The following FHOD3 variants were observed in gnomAD, a reference collection of about 807,000 sequenced individuals.
The protein encoded by FHOD3 is FH1/FH2 domain-containing protein 3.
Under a neutral mutation model 173.0 loss-of-function variants are expected in FHOD3, and 90 were observed. The ratio of observed to expected loss-of-function variants is 0.52; its 90% CI spans 0.44 to 0.62. The LOEUF (loss-of-function observed/expected upper bound fraction) is 0.62, where lower values mean the gene tolerates loss of function less well. Ranked by LOEUF, FHOD3 falls within the 20% of genes least tolerant of loss-of-function variation. FHOD3 has a pLI of 0.00. For synonymous variants in FHOD3, 828 were observed against 823.0 expected, an observed-to-expected ratio of 1.01 and a Z score of -0.10; for missense variants, 1,945 against 2,034.7, an observed-to-expected ratio of 0.96 and a Z score of 0.85.
intron 6 of FHOD3, among the ~76,000 whole-genome samples, chr18:36,589,950 A>C (rs1169287284): frequency 6.6e-6 from 1 of 152,186 alleles, no homozygotes; most frequent in African/African-American, 2.4e-5. Flanking sequence ...ACGTGAAGGC[A>C]TGCCAGGCAA....
At chr18:36,692,315 T>C (rs1208064088) in intron 16 of FHOD3, among the ~76,000 whole-genome samples, 1 of 152,208 alleles carries the variant, frequency 6.6e-6, no homozygotes, top group Admixed American at 6.5e-5. Context: ...AAAGTGAGCG[T>C]CTTGAGTAAG....
intron 1 of FHOD3, among the ~76,000 whole-genome samples, chr18:36,343,788 T>G (rs1007322568): frequency 6.6e-6 from 1 of 152,196 alleles, no homozygotes; most frequent in Admixed American, 6.5e-5. Context: ...TGACCCAGTC[T>G]CATGTATTCC....
Position 36,573,142 on chromosome 18 carries a change from T to C in FHOD3, c.512-3309T>C, listed in dbSNP as rs556340241. Reference sequence around the variant, plus strand: ...TAACACCTCACATTATTCAGTCTTATTTTTGTTCTTTTTTTTTTTTTTAAC... The same window carrying C: ...TAACACCTCACATTATTCAGTCTTACTTTTGTTCTTTTTTTTTTTTTTAAC... On this transcript the variant is annotated intron_variant, in intron 5 of 28. Coordinates refer to ENST00000590592, the MANE Select transcript of FHOD3 (RefSeq NM_001281740.3). Among the ~76,000 whole-genome samples, 29 of 134,132 alleles carry C rather than the reference T, an allele frequency of 2.2e-4. No individual in the cohort carries two copies. The South Asian group carries it at 6.5e-3, about 30-fold the overall frequency. The allele number at this position is 134,132 out of a possible 152,430, so 88.0% of individuals were successfully genotyped here. A position where few individuals can be genotyped will look rare whatever the true frequency, so the allele number is the denominator to read the frequency against.
chr18:36,570,909 C>T (rs1461531143), intron 5 of FHOD3, among the ~76,000 whole-genome samples: 1 of 152,054 alleles, frequency 6.6e-6, no homozygotes, highest in Non-Finnish European at 1.5e-5. Context: ...TGTCTAACAT[C>T]ATAATTAATA....
chr18:36,515,830 C>T (rs1003075483), intron 5 of FHOD3, among the ~76,000 whole-genome samples: 10 of 152,300 alleles, frequency 6.6e-5, no homozygotes, highest in East Asian at 3.9e-4. Flanking sequence ...ATCTGAAAGA[C>T]GAGCACTCCA....
At chr18:36,488,971 T>G (rs1457321557) in intron 3 of FHOD3, among the ~76,000 whole-genome samples, 3 of 152,158 alleles carry the variant, frequency 2.0e-5, no homozygotes. Flanking sequence ...TTCTTTGAGC[T>G]GAGACTGGAG....
intron 14 of FHOD3, among the ~76,000 whole-genome samples, chr18:36,668,932 A>G (rs2149298417): frequency 6.6e-6 from 1 of 152,082 alleles, no homozygotes. Flanking sequence ...ATACTGTGTA[A>G]ACTTGAAAAG....
At chr18:36,618,366 T>G (rs1019590853) in intron 9 of FHOD3, among the ~76,000 whole-genome samples, 1 of 132,894 alleles carries the variant, frequency 7.5e-6, no homozygotes, top group East Asian at 2.2e-4. Flanking sequence ...CAGGCTGGAG[T>G]GCAAGGTGCG....
intron 3 of FHOD3, among the ~76,000 whole-genome samples, chr18:36,380,076 A>AC: frequency 6.6e-6 from 1 of 152,310 alleles, no homozygotes; most frequent in Admixed American, 6.5e-5. Context: ...CAGAAAAAAA[A>AC]CATATAGAAA....
In FHOD3 at chr18:36,539,077, T is replaced by G. The variant is rs143417752; in HGVS notation, c.511+26534T>G. ...AAGTAAAAAATCAGTACGCATCTTA[T>G]GTTGCTTAGCTTCTATAAGACCACT... On this transcript the variant is annotated intron_variant, in intron 5 of 28. Transcript: ENST00000590592. 4.6e-3 allele frequency among the ~76,000 whole-genome samples: 695 copies of G among 152,374 alleles called. 4 individuals are homozygous for G. Among genetic ancestry groups the G allele is most frequent in the African/African-American group, 0.016 (653 of 41,590 alleles).
intron 18 of FHOD3, among the ~76,000 whole-genome samples, chr18:36,713,815 A>G (rs947710310): frequency 1.3e-5 from 2 of 152,212 alleles, no homozygotes; most frequent in South Asian, 2.1e-4. Flanking sequence ...AAAGTATTCA[A>G]GTAACCCATA....
intron 1 of FHOD3, among the ~76,000 whole-genome samples, chr18:36,326,706 G>A (rs7242634): frequency 0.052 from 7,935 of 152,196 alleles, 654 homozygotes; most frequent in African/African-American, 0.18. Context: ...AGCTATGATC[G>A]CACCACTGCA....
At chr18:36,677,354 G>A (rs1178744628) in intron 14 of FHOD3, among the ~76,000 whole-genome samples, 3 of 151,882 alleles carry the variant, frequency 2.0e-5, no homozygotes, top group East Asian at 1.9e-4. Context: ...GCTTCTCCAC[G>A]TTGGTCAGGC....
intron 25 of FHOD3, among the ~76,000 whole-genome samples, chr18:36,757,757 AG>A (rs1206379181): frequency 6.6e-6 from 1 of 152,156 alleles, no homozygotes; most frequent in Non-Finnish European, 1.5e-5. Flanking sequence ...TTCATCATCC[AG>A]GGGTCCTCCC....
chr18:36,305,886 G>GT (rs1424744002), intron 1 of FHOD3, among the ~76,000 whole-genome samples: 2 of 152,118 alleles, frequency 1.3e-5, no homozygotes, highest in Non-Finnish European at 2.9e-5. Context: ...CAATTGTTTG[G>GT]TTTTATTTAT....
chr18:36,430,031 T>C (rs970265178), intron 3 of FHOD3, among the ~76,000 whole-genome samples: 37 of 152,254 alleles, frequency 2.4e-4, no homozygotes, highest in African/African-American at 7.7e-4. Flanking sequence ...GATCTTGTGG[T>C]TCTGGGTGTG....
intron 5 of FHOD3, among the ~76,000 whole-genome samples, chr18:36,533,679 G>C (rs12966985): frequency 6.6e-6 from 1 of 152,082 alleles, no homozygotes; most frequent in African/African-American, 2.4e-5. Context: ...CTGGGAAGAC[G>C]ACTTATGTCT....
At chr18:36,377,865 C>T (rs1488174734) in intron 3 of FHOD3, among the ~76,000 whole-genome samples, 1 of 152,170 alleles carries the variant, frequency 6.6e-6, no homozygotes, top group African/African-American at 2.4e-5. Context: ...ACTCCAGGCC[C>T]TGGACCTGGG....
intron 3 of FHOD3, among the ~76,000 whole-genome samples, chr18:36,409,081 C>T (rs968830877): frequency 3.3e-5 from 5 of 152,100 alleles, no homozygotes; most frequent in Non-Finnish European, 5.9e-5. Flanking sequence ...TGCTTCTCAC[C>T]GGGCTGAGTC....
Sources: gnomAD v4.1 joint callset for allele counts (sites outside exome capture counted in the v4.1 genomes callset) on GRCh38, gnomAD v4.1.1 for gene constraint, MANE v1.5 for transcripts, NCBI Gene and HGNC (gene_info 2026-07-23, HGNC 2026-07-21) for gene names.